NTM: variants seen among roughly 807,000 people sequenced by gnomAD.
NTM encodes neurotrimin.
A neutral mutation model predicts 42.1 loss-of-function variants in NTM; 13 were observed. The observed-to-expected ratio is 0.31, with a 90% confidence interval of 0.20 to 0.49. NTM has a LOEUF of 0.49. NTM is among the 20% of genes least tolerant of loss of function. The probability of loss-of-function intolerance (pLI) is 0.99; values close to 1 mark genes in which losing one functional copy is unlikely to be tolerated. For synonymous variants in NTM, 187 were observed against 179.2 expected (o/e 1.04, Z -0.35); for missense variants, 373 against 452.8 (o/e 0.82, Z 1.60).
At chr11:132,023,637 CT>C (rs2074700168) in intron 2 of NTM, among the ~76,000 whole-genome samples, 1 of 152,130 alleles carries the variant, frequency 6.6e-6, no homozygotes, top group African/African-American at 2.4e-5. Flanking sequence ...ATTCAGGGTT[CT>C]TCTCGAAGTG....
chr11:131,867,071 A>T (rs1249862822), intron 1 of NTM, among the ~76,000 whole-genome samples: 4 of 152,184 alleles, frequency 2.6e-5, no homozygotes, highest in Non-Finnish European at 5.9e-5. Context: ...GTGCAATCGC[A>T]GGATCAATTA....
At chr11:131,911,940 T>G (rs1215808242) in intron 2 of NTM, among the ~76,000 whole-genome samples, 1 of 152,110 alleles carries the variant, frequency 6.6e-6, no homozygotes, top group African/African-American at 2.4e-5. Flanking sequence ...TTGAGGGACT[T>G]GTGCCTGGCA....
chr11:131,544,250 A>G (rs537005675), intron 1 of NTM, among the ~76,000 whole-genome samples: 1 of 152,326 alleles, frequency 6.6e-6, no homozygotes, highest in Non-Finnish European at 1.5e-5. Flanking sequence ...TCCAATTTCA[A>G]AGTAATACAA....
At chr11:131,395,142 C>T (rs1240257951) in intron 1 of NTM, among the ~76,000 whole-genome samples, 1 of 152,188 alleles carries the variant, frequency 6.6e-6, no homozygotes, top group Admixed American at 6.5e-5. Flanking sequence ...CTCAGCCTCT[C>T]CTGGTCACTG....
At chr11:131,733,037 C>T (rs2079898719) in intron 1 of NTM, among the ~76,000 whole-genome samples, 1 of 151,812 alleles carries the variant, frequency 6.6e-6, no homozygotes. Context: ...TTTAACATTA[C>T]CATATTGTTG....
At chr11:131,461,772 GTA>G (rs1951400199) in intron 1 of NTM, among the ~76,000 whole-genome samples, 1 of 152,126 alleles carries the variant, frequency 6.6e-6, no homozygotes, top group South Asian at 2.1e-4. Context: ...TTCACAATGT[GTA>G]TGCAAACCAA....
At chr11:131,783,587 T>C (rs575138564) in intron 1 of NTM, among the ~76,000 whole-genome samples, 1 of 152,238 alleles carries the variant, frequency 6.6e-6, no homozygotes, top group Non-Finnish European at 1.5e-5. Context: ...TGAATATTTA[T>C]ATGGAAGAGA....
chr11:131,655,853 A>G (rs2067118455), intron 1 of NTM, among the ~76,000 whole-genome samples: 1 of 152,262 alleles, frequency 6.6e-6, no homozygotes, highest in African/African-American at 2.4e-5. Flanking sequence ...TGGAAGACCC[A>G]GAGCAGCATA....
At chr11:131,664,457 A>G (rs1443892943) in intron 1 of NTM, among the ~76,000 whole-genome samples, 1 of 152,190 alleles carries the variant, frequency 6.6e-6, no homozygotes, top group Non-Finnish European at 1.5e-5. Flanking sequence ...AGCTTTCTGC[A>G]TCTTCACTTC....
intron 1 of NTM, among the ~76,000 whole-genome samples, chr11:131,820,571 A>C (rs532134237): frequency 6.6e-6 from 1 of 152,238 alleles, no homozygotes; most frequent in East Asian, 1.9e-4. Context: ...AGGCCACCTG[A>C]GAGTCTTTTC....
intron 2 of NTM, among the ~76,000 whole-genome samples, chr11:131,969,740 C>G (rs1449246166): frequency 6.6e-6 from 1 of 152,246 alleles, no homozygotes; most frequent in East Asian, 1.9e-4. Flanking sequence ...ATAACCTGCT[C>G]TCTAACCCCA....
In NTM at chr11:132,058,224, C is replaced by G. The variant is rs563403694; in HGVS notation, c.168-88058C>G. 5.3e-5 allele frequency among the ~76,000 whole-genome samples: 8 copies of G among 152,240 alleles called. No individual in the cohort carries two copies. In the South Asian group the frequency reaches 1.5e-3, roughly 28 times the overall value. ...GAATGACCATTTGTCTGCTTGTTGC[C>G]TGTCCTTGCATTCTGATGGAGGAAG... On this transcript the variant is annotated intron_variant, in intron 2 of 8. Coordinates refer to ENST00000683400, the MANE Select transcript of NTM (RefSeq NM_001352005.2).
At chr11:131,420,464 C>T (rs546921880) in intron 1 of NTM, among the ~76,000 whole-genome samples, 7 of 152,296 alleles carry the variant, frequency 4.6e-5, no homozygotes, top group Admixed American at 1.3e-4. Flanking sequence ...ACCGTAAGGT[C>T]ATAGATTTAT....
At chr11:131,850,831 A>T (rs2045444556) in intron 1 of NTM, among the ~76,000 whole-genome samples, 1 of 152,200 alleles carries the variant, frequency 6.6e-6, no homozygotes, top group African/African-American at 2.4e-5. Context: ...GGCTGAGGCG[A>T]GGGCACTGAC....
At chr11:131,400,702 T>C (rs1945037372) in intron 1 of NTM, among the ~76,000 whole-genome samples, 1 of 152,208 alleles carries the variant, frequency 6.6e-6, no homozygotes, top group Non-Finnish European at 1.5e-5. Context: ...GTTTCTGTTT[T>C]CACAGAGAAA....
chr11:131,596,642 C>G (rs1033227012), intron 1 of NTM, among the ~76,000 whole-genome samples: 1 of 152,200 alleles, frequency 6.6e-6, no homozygotes, highest in Non-Finnish European at 1.5e-5. Context: ...GAAAGCATGT[C>G]TAAGGACACC....
rs1023571209 is a variant in NTM at position 132,146,473 on chromosome 11, A to G, written c.359A>G (p.Asp120Gly). The change falls in exon 3 of 9, where the codon GAC becomes GGC. Residue 120 changes from aspartate (D) to glycine (G), a missense_variant. This residue lies in a region of NTM where 312 missense variants were observed against 353.5 expected (regional missense o/e 0.88). Coordinates refer to ENST00000683400, the MANE Select transcript of NTM (RefSeq NM_001352005.2). This position sits in a 1 kb window ranked among gnomAD's most constrained non-coding sequence, Gnocchi z 4.5. ...CCTTACACCTGCTCGGTGCAGACAGACAACCACCCAAAGACCTCTAGGGTC... is the reference window on the plus strand; with the variant it reads ...CCTTACACCTGCTCGGTGCAGACAGGCAACCACCCAAAGACCTCTAGGGTC... Reference protein sequence around the residue: ...EGPYTCSVQTDNHPKTSRVHL... With the variant: ...EGPYTCSVQTGNHPKTSRVHL... The G allele has an allele frequency of 5.6e-6, 9 of 1,614,058 alleles. No homozygotes were observed. The African/African-American group carries it at 1.2e-4, about 22-fold the overall frequency.
At chr11:131,837,946 T>C (rs1377345601) in intron 1 of NTM, among the ~76,000 whole-genome samples, 1 of 152,206 alleles carries the variant, frequency 6.6e-6, no homozygotes, top group East Asian at 1.9e-4. Context: ...TAACACGAGT[T>C]TTCAGACAGG....
At chr11:131,628,632 T>A (rs2063353946) in intron 1 of NTM, among the ~76,000 whole-genome samples, 1 of 152,188 alleles carries the variant, frequency 6.6e-6, no homozygotes, top group Admixed American at 6.5e-5. Context: ...CTCCCAGTAC[T>A]AATTATCTTG....
Sources: allele counts gnomAD v4.1 joint callset (sites outside exome capture counted in the v4.1 genomes callset), GRCh38; gene constraint gnomAD v4.1.1; regional missense constraint gnomAD v4.1.1; non-coding constraint Gnocchi (gnomAD v3.1); transcripts MANE v1.5; gene names NCBI Gene and HGNC (gene_info 2026-07-23, HGNC 2026-07-21).